WDR70: variants seen among roughly 807,000 people sequenced by gnomAD.
The protein encoded by WDR70 is WD repeat domain 70, also known as WD repeat-containing protein 70.
In WDR70, 53 loss-of-function variants were observed where a neutral mutation model predicts 88.6. The observed-to-expected ratio is 0.60, with a 90% confidence interval of 0.48 to 0.75. WDR70 has a LOEUF of 0.75. Among genes scored for constraint, WDR70 ranks in the 30% least tolerant of loss-of-function variants. The pLI, the probability that WDR70 is intolerant of heterozygous loss-of-function variation, is 0.00. For synonymous variants in WDR70, 280 were observed against 270.0 expected (o/e 1.04, Z -0.36); for missense variants, 610 against 823.2 (o/e 0.74, Z 3.17).
chr5:37,440,033 A>G (rs983307875), intron 6 of WDR70, among the ~76,000 whole-genome samples: 1 of 152,164 alleles, frequency 6.6e-6, no homozygotes, highest in Non-Finnish European at 1.5e-5. Flanking sequence ...TTAGTGTTCA[A>G]ATTTCCCCAG....
At chr5:37,688,749 C>T (rs1013540607) in intron 10 of WDR70, among the ~76,000 whole-genome samples, 1 of 116,896 alleles carries the variant, frequency 8.6e-6, no homozygotes, top group Admixed American at 1.0e-4. Flanking sequence ...CTCTGGTCTG[C>T]AGCTCCCAGT....
At chr5:37,439,094 A>G (rs1404131888) in intron 6 of WDR70, among the ~76,000 whole-genome samples, 1 of 151,668 alleles carries the variant, frequency 6.6e-6, no homozygotes, top group Non-Finnish European at 1.5e-5. Context: ...ATTTTTTTGT[A>G]TTTTTGGTAG....
In WDR70 at chr5:37,701,038, T is replaced by TC. The variant is rs779729999; in HGVS notation, c.1193-16dup. 14 of 1,518,116 alleles carry TC rather than the reference T, an allele frequency of 9.2e-6. No individual in the cohort carries two copies. Among genetic ancestry groups the TC allele is most frequent in the South Asian group, 5.6e-5 (5 of 88,784 alleles). 94.0% of individuals were successfully genotyped at this position (1,518,116 alleles called of 1,614,324 possible). On this transcript the variant is annotated intron_variant, in intron 11 of 17. Transcript: ENST00000265107. ...ACAATTCACTTTTCTGTCTTTTTTT[T>TC]CCCCTCATTCCTCTGTCAGGTGACG...
At chr5:37,478,576 C>T (rs1365019585) in intron 7 of WDR70, among the ~76,000 whole-genome samples, 2 of 152,164 alleles carry the variant, frequency 1.3e-5, no homozygotes, top group Non-Finnish European at 2.9e-5. Flanking sequence ...AGGGAAACAG[C>T]ATTGTGAAGA....
intron 10 of WDR70, among the ~76,000 whole-genome samples, chr5:37,642,728 C>G (rs1314333754): frequency 6.6e-6 from 1 of 152,198 alleles, no homozygotes. Context: ...TTTTGCATTT[C>G]TCTGATGATC....
chr5:37,635,489 T>A (rs1247889187), intron 10 of WDR70, among the ~76,000 whole-genome samples: 1 of 152,206 alleles, frequency 6.6e-6, no homozygotes, highest in Non-Finnish European at 1.5e-5. Context: ...TTTTAAAATT[T>A]ACATCTGCAG....
chr5:37,416,636 A>G (rs1381101657), intron 5 of WDR70, among the ~76,000 whole-genome samples: 1 of 150,542 alleles, frequency 6.6e-6, no homozygotes, highest in South Asian at 2.1e-4. Context: ...CTGGAGTGCA[A>G]TGGGGTGATA....
chr5:37,612,365 A>G (rs937208084), intron 10 of WDR70, among the ~76,000 whole-genome samples: 3 of 152,104 alleles, frequency 2.0e-5, no homozygotes, highest in African/African-American at 4.8e-5. Context: ...GAGATATACA[A>G]TTACATTATA....
intron 9 of WDR70, among the ~76,000 whole-genome samples, 166 bp downstream of exon 9, chr5:37,516,756 C>T (rs1455486522): frequency 7.0e-6 from 1 of 142,724 alleles, no homozygotes; most frequent in African/African-American, 2.6e-5. Flanking sequence ...GAGTCTTGCT[C>T]TGTTGCCCAG....
chr5:37,600,526 CAA>C (rs552804920), intron 9 of WDR70, among the ~76,000 whole-genome samples: 8 of 101,236 alleles, frequency 7.9e-5, no homozygotes, highest in Admixed American at 2.4e-4. Context: ...GACTCCGTCT[CAA>C]AAAAAAAAAA....
At chr5:37,490,840 A>G (rs1740044809) in intron 8 of WDR70, among the ~76,000 whole-genome samples, 1 of 151,958 alleles carries the variant, frequency 6.6e-6, no homozygotes, top group Non-Finnish European at 1.5e-5. Context: ...AGTGCTGGGG[A>G]TATTTCTGCT....
At chr5:37,501,475 A>T (rs1740403647) in intron 8 of WDR70, among the ~76,000 whole-genome samples, 1 of 152,136 alleles carries the variant, frequency 6.6e-6, no homozygotes, top group African/African-American at 2.4e-5. Context: ...CACACATAAA[A>T]TATATTAACA....
intron 9 of WDR70, among the ~76,000 whole-genome samples, chr5:37,547,671 T>C (rs1742035578): frequency 6.6e-6 from 1 of 152,174 alleles, no homozygotes. Context: ...TTTTCTTAAA[T>C]GTACGATTAA....
chr5:37,414,601 G>GTTTTT (rs765190732), intron 5 of WDR70, among the ~76,000 whole-genome samples: 10 of 121,270 alleles, frequency 8.2e-5, no homozygotes, highest in Admixed American at 8.4e-5. Context: ...AGGACAGTCT[G>GTTTTT]TTTTTTTTTT....
At chr5:37,558,788 C>T (rs556771795) in intron 9 of WDR70, among the ~76,000 whole-genome samples, 226 of 152,130 alleles carry the variant, frequency 1.5e-3, no homozygotes, top group African/African-American at 5.1e-3. Flanking sequence ...GGCTCCACAG[C>T]GATATCATTT....
intron 11 of WDR70, among the ~76,000 whole-genome samples, chr5:37,699,402 T>TACAC (rs70978839): frequency 4.2e-5 from 3 of 70,806 alleles, no homozygotes; most frequent in Admixed American, 1.0e-4. Flanking sequence ...TATATATATA[T>TACAC]ACACACACAC....
chr5:37,579,469 A>C (rs1743156802), intron 9 of WDR70, among the ~76,000 whole-genome samples: 1 of 151,526 alleles, frequency 6.6e-6, no homozygotes, highest in African/African-American at 2.4e-5. Context: ...CTGTAGTCCC[A>C]GCTACTTGGG....
intron 8 of WDR70, among the ~76,000 whole-genome samples, chr5:37,515,048 A>G (rs1046747969): frequency 3.3e-5 from 5 of 151,882 alleles, no homozygotes; most frequent in Non-Finnish European, 7.4e-5. Flanking sequence ...AAAAGCAGAG[A>G]GACTAATAAC....
intron 9 of WDR70, among the ~76,000 whole-genome samples, chr5:37,562,334 T>C (rs1742532094): frequency 6.6e-6 from 1 of 151,924 alleles, no homozygotes; most frequent in Admixed American, 6.5e-5. Context: ...CCAGCCTGGC[T>C]GACAGAGTGA....
Sources: allele counts gnomAD v4.1 joint callset (sites outside exome capture counted in the v4.1 genomes callset), GRCh38; gene constraint gnomAD v4.1.1; transcripts MANE v1.5; gene names NCBI Gene and HGNC (gene_info 2026-07-23, HGNC 2026-07-21).